Variants in FRMPD1 observed in about 807,000 individuals in gnomAD.
FRMPD1 encodes the protein FERM and PDZ domain-containing protein 1.
FRMPD1 carries 76 observed loss-of-function variants against 117.8 expected under a neutral mutation model. That is an observed-to-expected ratio of 0.65 (90% confidence interval 0.54 to 0.78). FRMPD1 has a LOEUF of 0.78. Ranked by LOEUF, FRMPD1 falls within the 30% of genes least tolerant of loss-of-function variation. The pLI, the probability that FRMPD1 is intolerant of heterozygous loss-of-function variation, is 0.00. For missense variants in FRMPD1, 1,786 were observed against 1,964.5 expected (o/e 0.91, Z 1.72); for synonymous variants, 783 against 770.4 (o/e 1.02, Z -0.27).
At chr9:37,614,831 T>C in the FRMPD1 span, among the ~76,000 whole-genome samples, 1 of 152,218 alleles carries the variant, frequency 6.6e-6, no homozygotes, top group Non-Finnish European at 1.5e-5. Flanking sequence ...TGGTAAGAAA[T>C]ACAATTGCCA....
intron 5 of FRMPD1, among the ~76,000 whole-genome samples, chr9:37,717,369 G>GTGTGTGTGTA (rs1407798527): frequency 1.0e-3 from 97 of 93,970 alleles, no homozygotes; most frequent in Non-Finnish European, 1.6e-3. Flanking sequence ...GTGTGTGTGT[G>GTGTGTGTGTA]TATATATATA....
In FRMPD1 at chr9:37,745,027, A is replaced by T; in HGVS notation, c.2995A>T (p.Ile999Phe). Residue 999 changes from isoleucine to phenylalanine, a missense_variant, in exon 16 of 16, where the codon ATT becomes TTT. Coordinates refer to ENST00000377765, the MANE Select transcript of FRMPD1 (RefSeq NM_014907.3). ...ILPLSQDLDGIAPKEPTIEHG... is the reference protein window; with the variant it reads ...ILPLSQDLDGFAPKEPTIEHG... ...ACCTCTATCTCAAGACCTGGATGGG[A>T]TTGCCCCCAAAGAACCAACCATAGA... 1.2e-6 allele frequency: 2 copies of T among 1,614,088 alleles called. No individual in the cohort carries two copies. The highest frequency in any genetic ancestry group is 1.7e-6 in the Non-Finnish European group (2 of 1,180,014).
At chr9:37,685,803 A>G (rs978536765) in intron 1 of FRMPD1, among the ~76,000 whole-genome samples, 4 of 152,214 alleles carry the variant, frequency 2.6e-5, no homozygotes, top group Non-Finnish European at 4.4e-5. Context: ...AGTTTTATCT[A>G]CAATTTCAAT....
At chr9:37,694,542 A>C (rs1225039870) in intron 2 of FRMPD1, among the ~76,000 whole-genome samples, 1 of 151,976 alleles carries the variant, frequency 6.6e-6, no homozygotes, top group Non-Finnish European at 1.5e-5. Context: ...GTAACCACTA[A>C]TTTACTTTCT....
intron 11 of FRMPD1, 43 bp downstream of exon 11, chr9:37,733,642 GA>G: frequency 6.2e-7 from 1 of 1,609,772 alleles, no homozygotes; most frequent in Non-Finnish European, 8.5e-7. Context: ...TGTCGTCTGT[GA>G]AACCTTAGGA....
chr9:37,703,464 A>C (rs928667997), intron 2 of FRMPD1, among the ~76,000 whole-genome samples: 9 of 152,158 alleles, frequency 5.9e-5, no homozygotes, highest in Admixed American at 4.6e-4. Context: ...CCCATTCTTC[A>C]TATATTTGTA....
intron 5 of FRMPD1, among the ~76,000 whole-genome samples, chr9:37,717,591 G>A (rs983949525): frequency 7.9e-5 from 12 of 151,946 alleles, no homozygotes. Context: ...TGTTGGCCAG[G>A]CTAGTCTCAA....
chr9:37,693,653 G>A (rs1277994715), intron 2 of FRMPD1, among the ~76,000 whole-genome samples: 1 of 152,210 alleles, frequency 6.6e-6, no homozygotes, highest in East Asian at 1.9e-4. Context: ...ATAGGAGGAA[G>A]CTTAAACATT....
At chr9:37,734,003 C>A (rs1824012516) in intron 12 of FRMPD1, among the ~76,000 whole-genome samples, 178 bp downstream of exon 12, 1 of 152,134 alleles carries the variant, frequency 6.6e-6, no homozygotes, top group Non-Finnish European at 1.5e-5. Context: ...TGGTGCTACC[C>A]CTGTGATAGA....
chr9:37,659,768 A>G (rs114648177), intron 1 of FRMPD1, among the ~76,000 whole-genome samples: 403 of 152,036 alleles, frequency 2.7e-3, no homozygotes, highest in African/African-American at 9.4e-3. Flanking sequence ...CCCTACAACT[A>G]GCCTGTTTCA....
chr9:37,703,217 G>A (rs1347975138), intron 2 of FRMPD1, among the ~76,000 whole-genome samples: 1 of 152,170 alleles, frequency 6.6e-6, no homozygotes, highest in Non-Finnish European at 1.5e-5. Flanking sequence ...TAGAGAGATT[G>A]AATTGCCAGT....
chr9:37,671,984 AAC>A (rs946877314), intron 1 of FRMPD1, among the ~76,000 whole-genome samples: 24 of 152,132 alleles, frequency 1.6e-4, no homozygotes, highest in African/African-American at 5.8e-4. Flanking sequence ...AACAACAAAA[AAC>A]AACAAGCAAA....
chr9:37,629,558 C>T, the FRMPD1 span, among the ~76,000 whole-genome samples: 3 of 152,192 alleles, frequency 2.0e-5, no homozygotes, highest in African/African-American at 7.2e-5. Flanking sequence ...GCAGGGCCAC[C>T]CGCCAACATC....
the FRMPD1 span, among the ~76,000 whole-genome samples, chr9:37,638,667 A>G: frequency 1.3e-5 from 2 of 152,182 alleles, no homozygotes; most frequent in Non-Finnish European, 2.9e-5. Context: ...TTTACTCTTC[A>G]AAGTTGATAA....
chr9:37,709,801 GC>G (rs940527388), intron 4 of FRMPD1, among the ~76,000 whole-genome samples: 1 of 152,160 alleles, frequency 6.6e-6, no homozygotes, highest in Admixed American at 6.5e-5. Flanking sequence ...CAGTTTGCCT[GC>G]AGAAAAGTTC....
the FRMPD1 span, among the ~76,000 whole-genome samples, chr9:37,612,755 G>C: frequency 6.6e-6 from 1 of 152,182 alleles, no homozygotes; most frequent in Non-Finnish European, 1.5e-5. Flanking sequence ...GCCTCCCAAA[G>C]TGTTGGGATT....
intron 6 of FRMPD1, among the ~76,000 whole-genome samples, chr9:37,722,687 A>G (rs1194025261): frequency 6.6e-6 from 1 of 152,086 alleles, no homozygotes; most frequent in Non-Finnish European, 1.5e-5. Flanking sequence ...GGAACTCTAA[A>G]ATTTCTCTGT....
intron 1 of FRMPD1, among the ~76,000 whole-genome samples, chr9:37,688,786 TTTAA>T (rs1356665519): frequency 6.6e-6 from 1 of 152,052 alleles, no homozygotes; most frequent in Non-Finnish European, 1.5e-5. Flanking sequence ...AAGATGTAAT[TTTAA>T]TTAAGAAACA....
At chr9:37,612,320 T>A in the FRMPD1 span, among the ~76,000 whole-genome samples, 6 of 151,920 alleles carry the variant, frequency 3.9e-5, no homozygotes, top group African/African-American at 1.2e-4. Flanking sequence ...TACTTCAAAG[T>A]TTTTTTGTTT....
Sources: allele counts gnomAD v4.1 joint callset (sites outside exome capture counted in the v4.1 genomes callset), GRCh38; gene constraint gnomAD v4.1.1; transcripts MANE v1.5; gene names NCBI Gene and HGNC (gene_info 2026-07-23, HGNC 2026-07-21).